Variants in MEI1 observed in about 807,000 individuals in gnomAD.
MEI1 encodes meiotic double-stranded break formation protein 1.
A neutral mutation model predicts 146.2 loss-of-function variants in MEI1; 103 were observed. The ratio of observed to expected loss-of-function variants is 0.70; its 90% CI spans 0.60 to 0.83. The LOEUF is 0.83. Among genes scored for constraint, MEI1 ranks in the 40% least tolerant of loss-of-function variants. The pLI, the probability that MEI1 is intolerant of heterozygous loss-of-function variation, is 0.00. For missense variants in MEI1, 1,529 were observed against 1,533.0 expected, an observed-to-expected ratio of 1.00 and a Z score of 0.04; for synonymous variants, 652 against 628.2, an observed-to-expected ratio of 1.04 and a Z score of -0.57.
At chr22:41,728,083 G>A (rs964879580) in intron 7 of MEI1, among the ~76,000 whole-genome samples, 1 of 152,194 alleles carries the variant, frequency 6.6e-6, no homozygotes, top group Non-Finnish European at 1.5e-5. Flanking sequence ...GCAAACTCCA[G>A]TAAGTTGGCC....
chr22:41,739,140 CAA>C (rs11297750), intron 11 of MEI1, among the ~76,000 whole-genome samples: 194 of 143,576 alleles, frequency 1.4e-3, no homozygotes, highest in Middle Eastern at 7.4e-3. Flanking sequence ...ACTAAAAATA[CAA>C]AAAAAAAAAA....
rs1356648994 is a variant in MEI1 at position 41,746,103 on chromosome 22, T to A, written c.1680+77T>A. ...TGCAGGCGAGCCAGGCTCAGAGGCA[T>A]AAGGCAGTGACTGCTCAAAGGAACT... On this transcript the variant is annotated intron_variant, in intron 14 of 30. Coordinates refer to ENST00000401548, the MANE Select transcript of MEI1 (RefSeq NM_152513.4). 3 of 1,424,550 alleles carry A rather than the reference T, an allele frequency of 2.1e-6. No individual in the cohort carries two copies. In the African/African-American group the frequency reaches 4.2e-5, roughly 20 times the overall value. The allele number at this position is 1,424,550 out of a possible 1,614,324, so 88.2% of individuals were successfully genotyped here.
chr22:41,794,672 G>A (rs1395961253), intron 28 of MEI1, among the ~76,000 whole-genome samples, 195 bp downstream of exon 28: 2 of 152,046 alleles, frequency 1.3e-5, no homozygotes, highest in Admixed American at 6.6e-5. Flanking sequence ...AGGGGACTCC[G>A]ACACCCTTTC....
At chr22:41,740,938 G>T (rs893093040) in intron 11 of MEI1, among the ~76,000 whole-genome samples, 3 of 152,082 alleles carry the variant, frequency 2.0e-5, no homozygotes, top group African/African-American at 4.8e-5. Context: ...AGGGATGAGG[G>T]TCTTGCTCTG....
chr22:41,727,570 G>C (rs998893984), intron 7 of MEI1, among the ~76,000 whole-genome samples: 1 of 150,168 alleles, frequency 6.7e-6, no homozygotes, highest in East Asian at 2.0e-4. Flanking sequence ...CTTATCAGCT[G>C]TGTAGCCTAG....
At chr22:41,777,255 A>G (rs2075493222) in intron 21 of MEI1, among the ~76,000 whole-genome samples, 1 of 151,112 alleles carries the variant, frequency 6.6e-6, no homozygotes, top group Admixed American at 6.6e-5. Flanking sequence ...TCCTGGGTTC[A>G]AGTGATTCTT....
chr22:41,785,959 G>A (rs538632906), intron 26 of MEI1, among the ~76,000 whole-genome samples: 64 of 133,622 alleles, frequency 4.8e-4, no homozygotes, highest in African/African-American at 1.7e-3. Flanking sequence ...CGCCCAGGCT[G>A]GAGTGCAGTG....
intron 23 of MEI1, 61 bp downstream of exon 23, chr22:41,781,455 C>T: frequency 7.3e-7 from 1 of 1,375,448 alleles, no homozygotes; most frequent in Non-Finnish European, 1.0e-6. Flanking sequence ...CTCTGTATCT[C>T]AACTTTTTCA....
chr22:41,787,455 G>C (rs1244675150), intron 26 of MEI1, among the ~76,000 whole-genome samples: 1 of 152,142 alleles, frequency 6.6e-6, no homozygotes, highest in African/African-American at 2.4e-5. Flanking sequence ...CAGACCAGGG[G>C]TCCACAGGCG....
At chr22:41,775,904 C>T (rs1018657834) in intron 20 of MEI1, 198 bp from the exon 21 acceptor site, 1 of 526,380 alleles carries the variant, frequency 1.9e-6, no homozygotes, top group Non-Finnish European at 3.4e-6. Flanking sequence ...TAGGATGGAC[C>T]TATTCTAAGG....
intron 1 of MEI1, among the ~76,000 whole-genome samples, chr22:41,702,508 G>A (rs543492796): frequency 1.0e-4 from 15 of 150,614 alleles, no homozygotes; most frequent in East Asian, 3.9e-4. Context: ...GTGCAATGGC[G>A]CGATCTTGGC....
chr22:41,759,480 A>T (rs925732353), intron 18 of MEI1: 1 of 151,906 alleles, frequency 6.6e-6, no homozygotes, highest in African/African-American at 2.4e-5. Flanking sequence ...ATACAAAAAA[A>T]TTAGCTGGGC....
chr22:41,722,698 T>C (rs2070973717), intron 6 of MEI1, among the ~76,000 whole-genome samples: 1 of 152,094 alleles, frequency 6.6e-6, no homozygotes. Flanking sequence ...TCCTTCAAGA[T>C]TTGGTTCAAA....
intron 10 of MEI1, 32 bp downstream of exon 10, chr22:41,732,376 G>A: frequency 6.2e-7 from 1 of 1,613,356 alleles, no homozygotes; most frequent in South Asian, 1.1e-5. Context: ...GAGGCTTGTA[G>A]GGGCCAGACT....
In MEI1 at chr22:41,716,085, C is replaced by T. The variant is rs762614316; in HGVS notation, c.468C>T (p.Thr156=). ...PSMRGSLATL[T]LLGKLVDAIP... ...TGCGAGGCAGCCTGGCCACCCTGAC[C>T]CTTCTTGGCAAGTTGGTGGATGCCA... The change falls in exon 5 of 31, where the codon ACC becomes ACT. Residue 156 remains threonine (T), a synonymous_variant. Transcript: ENST00000401548. The T allele has an allele frequency of 2.0e-5, 32 of 1,611,966 alleles. No homozygotes were observed. Among genetic ancestry groups the T allele is most frequent in the Non-Finnish European group, 8.5e-7 (1 of 1,179,194 alleles).
At chr22:41,767,476 T>G (rs2074929684) in intron 19 of MEI1, 1 of 437,480 alleles carries the variant, frequency 2.3e-6, no homozygotes, top group African/African-American at 2.0e-5. Context: ...TTAAGGTATG[T>G]GTCTGAGGAT....
chr22:41,717,781 A>G (rs2070350916), intron 5 of MEI1, among the ~76,000 whole-genome samples: 1 of 151,136 alleles, frequency 6.6e-6, no homozygotes, highest in African/African-American at 2.4e-5. Flanking sequence ...ATGCCCGGCT[A>G]ATTTTTGTAT....
intron 26 of MEI1, among the ~76,000 whole-genome samples, 170 bp downstream of exon 26, chr22:41,784,953 A>ATT (rs2075904149): frequency 3.3e-5 from 5 of 151,470 alleles, no homozygotes; most frequent in African/African-American, 9.7e-5. Context: ...TTATTTATTT[A>ATT]GAGACAGAGT....
intron 15 of MEI1, among the ~76,000 whole-genome samples, chr22:41,751,947 G>A (rs532734791): frequency 1.1e-3 from 160 of 152,046 alleles, no homozygotes; most frequent in Non-Finnish European, 1.9e-3. Context: ...GTGCGTACCT[G>A]TAGTCCCAGT....
Sources: gnomAD v4.1 joint callset for allele counts (sites outside exome capture counted in the v4.1 genomes callset) on GRCh38, gnomAD v4.1.1 for gene constraint, MANE v1.5 for transcripts, NCBI Gene and HGNC (gene_info 2026-07-23, HGNC 2026-07-21) for gene names.